Variants in KCNMA1 observed in about 807,000 individuals in gnomAD.
The protein encoded by KCNMA1 is potassium calcium-activated channel subfamily M alpha 1, also known as Calcium-activated potassium channel subunit alpha-1.
A neutral mutation model predicts 140.0 loss-of-function variants in KCNMA1; 29 were observed. That is an observed-to-expected ratio of 0.21 (90% CI 0.15 to 0.28). The LOEUF is 0.28. KCNMA1 is among the 10% of genes least tolerant of loss of function. The pLI is 1.00. For missense variants in KCNMA1, 880 were observed against 1,602.2 expected, an observed-to-expected ratio of 0.55 and a Z score of 7.70; for synonymous variants, 612 against 611.9, an observed-to-expected ratio of 1.00 and a Z score of 0.00.
chr10:77,341,554 A>T (rs1251836507), intron 2 of KCNMA1, among the ~76,000 whole-genome samples: 1 of 152,144 alleles, frequency 6.6e-6, no homozygotes, highest in East Asian at 1.9e-4. Flanking sequence ...AGCCCTTCCC[A>T]GGCTCTCAGT....
intron 1 of KCNMA1, among the ~76,000 whole-genome samples, chr10:77,624,830 AG>A (rs1320807157): frequency 6.6e-6 from 1 of 152,012 alleles, no homozygotes; most frequent in African/African-American, 2.4e-5. Context: ...AGGCAGAAAG[AG>A]GGTTGTTCTC....
chr10:76,971,879 C>T (rs534420344), intron 19 of KCNMA1, among the ~76,000 whole-genome samples: 1 of 152,244 alleles, frequency 6.6e-6, no homozygotes, highest in Non-Finnish European at 1.5e-5. Context: ...AGCAAACAGG[C>T]ACTCTGAGCT....
intron 1 of KCNMA1, among the ~76,000 whole-genome samples, chr10:77,598,119 T>C (rs548954813): frequency 3.5e-4 from 54 of 152,214 alleles, no homozygotes; most frequent in Admixed American, 1.1e-3. Context: ...TACAGGTGTG[T>C]GCCACCACAC....
At chr10:77,184,721 T>C in intron 4 of KCNMA1, 102 bp downstream of exon 4, 1 of 820,836 alleles carries the variant, frequency 1.2e-6, no homozygotes, top group Non-Finnish European at 2.2e-6. Flanking sequence ...CTGTTTCTCC[T>C]GGAAATATCT....
intron 19 of KCNMA1, 116 bp downstream of exon 19, chr10:77,001,289 TCA>T: frequency 1.1e-6 from 1 of 922,718 alleles, no homozygotes; most frequent in Non-Finnish European, 1.7e-6. Flanking sequence ...ACACAGGAGT[TCA>T]CACTGGGAAG....
At chr10:77,466,829 T>A (rs1301009588) in intron 1 of KCNMA1, among the ~76,000 whole-genome samples, 1 of 150,740 alleles carries the variant, frequency 6.6e-6, no homozygotes, top group East Asian at 2.0e-4. Flanking sequence ...GATGCTGATG[T>A]CCATGAGGGA....
chr10:77,216,135 T>C (rs1445258303), intron 3 of KCNMA1, among the ~76,000 whole-genome samples: 1 of 152,128 alleles, frequency 6.6e-6, no homozygotes, highest in Non-Finnish European at 1.5e-5. Flanking sequence ...AACAGGCAAC[T>C]CTATAGAGAC....
intron 2 of KCNMA1, among the ~76,000 whole-genome samples, chr10:77,321,298 A>G (rs1344301810): frequency 6.6e-6 from 1 of 152,228 alleles, no homozygotes; most frequent in Non-Finnish European, 1.5e-5. Context: ...ATACAGCTCC[A>G]AAAATAACAT....
intron 1 of KCNMA1, among the ~76,000 whole-genome samples, chr10:77,512,699 G>C (rs2048819673): frequency 6.6e-6 from 1 of 152,308 alleles, no homozygotes; most frequent in East Asian, 1.9e-4. Flanking sequence ...AAGAAAAGGA[G>C]ATTAGGGCAC....
intron 5 of KCNMA1, among the ~76,000 whole-genome samples, chr10:77,136,574 T>C (rs1229056122): frequency 1.6e-5 from 2 of 128,576 alleles, no homozygotes; most frequent in Non-Finnish European, 3.2e-5. Flanking sequence ...TTTTTAAAAA[T>C]AGCAAATTGG....
At chr10:77,008,822 G>A (rs1235731866) in intron 18 of KCNMA1, among the ~76,000 whole-genome samples, 1 of 152,224 alleles carries the variant, frequency 6.6e-6, no homozygotes, top group Admixed American at 6.5e-5. Flanking sequence ...CTTAGAGAGG[G>A]AACCAAGCAA....
chr10:77,460,679 A>G (rs2097849596), intron 1 of KCNMA1, among the ~76,000 whole-genome samples: 1 of 152,232 alleles, frequency 6.6e-6, no homozygotes, highest in African/African-American at 2.4e-5. Context: ...TCAGACAGAA[A>G]GTGATGGGTA....
At chr10:77,596,622 C>G (rs2081015235) in intron 1 of KCNMA1, among the ~76,000 whole-genome samples, 1 of 152,188 alleles carries the variant, frequency 6.6e-6, no homozygotes, top group Non-Finnish European at 1.5e-5. Flanking sequence ...AAGCATTATC[C>G]TTAAGATGCT....
chr10:77,444,672 C>T (rs1426281278), intron 1 of KCNMA1, among the ~76,000 whole-genome samples: 1 of 152,222 alleles, frequency 6.6e-6, no homozygotes, highest in Middle Eastern at 3.4e-3. Flanking sequence ...CAATTCCAGG[C>T]CTCCTAACCA....
chr10:76,887,344 G>A lies in KCNMA1; in HGVS notation c.3633C>T (p.Ser1211=), dbSNP rs1040761376. The A allele has an allele frequency of 1.9e-6, 3 of 1,613,998 alleles. No homozygotes were observed. The African/African-American group carries it at 4.0e-5, about 22-fold the overall frequency. ...KKSSSVHSIP[S]TANRQNRPKS... Reference sequence around the variant, plus strand: ...TGGGCCGGTTCTGTCGGTTTGCTGTGGATGGGATGGAGTGAACAGAGGAGC... The same window carrying A: ...TGGGCCGGTTCTGTCGGTTTGCTGTAGATGGGATGGAGTGAACAGAGGAGC... Residue 1211 remains serine, a synonymous_variant, in exon 28 of 28, where the codon TCC becomes TCT. Coordinates refer to ENST00000286628, the MANE Select transcript of KCNMA1 (RefSeq NM_001161352.2).
chr10:77,475,130 G>C (rs950539778), intron 1 of KCNMA1, among the ~76,000 whole-genome samples: 5 of 152,116 alleles, frequency 3.3e-5, no homozygotes, highest in Non-Finnish European at 4.4e-5. Context: ...TCCCCCTCCC[G>C]GGCATCTGTA....
At chr10:77,371,874 C>A (rs933868805) in intron 2 of KCNMA1, among the ~76,000 whole-genome samples, 11 of 152,138 alleles carry the variant, frequency 7.2e-5, no homozygotes, top group African/African-American at 2.7e-4. Context: ...TTTATTTATC[C>A]AACCCAATCA....
At chr10:77,257,575 C>A (rs2061036786) in intron 2 of KCNMA1, among the ~76,000 whole-genome samples, 1 of 152,176 alleles carries the variant, frequency 6.6e-6, no homozygotes, top group South Asian at 2.1e-4. Context: ...GTCCACCTGG[C>A]TGTTCTAGGA....
chr10:77,346,877 A>G (rs1603286524), intron 2 of KCNMA1, among the ~76,000 whole-genome samples: 1 of 152,336 alleles, frequency 6.6e-6, no homozygotes, highest in South Asian at 2.1e-4. Context: ...AGCCCTGTCC[A>G]GCATAAACAT....
Sources: allele counts gnomAD v4.1 joint callset (sites outside exome capture counted in the v4.1 genomes callset), GRCh38; gene constraint gnomAD v4.1.1; transcripts MANE v1.5; gene names NCBI Gene and HGNC (gene_info 2026-07-23, HGNC 2026-07-21).